TAF2: variants seen among roughly 807,000 people sequenced by gnomAD.
The protein encoded by TAF2 is transcription initiation factor TFIID subunit 2.
In TAF2, 61 loss-of-function variants were observed where a neutral mutation model predicts 138.5. The observed-to-expected ratio is 0.44, with a 90% CI of 0.36 to 0.54. The LOEUF (loss-of-function observed/expected upper bound fraction) is 0.54, where lower values mean the gene tolerates loss of function less well. Ranked by LOEUF, TAF2 falls within the 20% of genes least tolerant of loss-of-function variation. The probability of loss-of-function intolerance (pLI) is 0.00; values close to 1 mark genes in which losing one functional copy is unlikely to be tolerated. For missense variants in TAF2, 1,090 were observed against 1,427.9 expected (o/e 0.76, Z 3.81); for synonymous variants, 475 against 469.9 (o/e 1.01, Z -0.14).
chr8:119,781,469 G>C (rs917405593), intron 16 of TAF2, among the ~76,000 whole-genome samples: 7 of 152,094 alleles, frequency 4.6e-5, no homozygotes, highest in Non-Finnish European at 1.0e-4. Flanking sequence ...CCTGAGGTCA[G>C]GAGTTCAAGA....
intron 25 of TAF2, among the ~76,000 whole-genome samples, chr8:119,733,482 C>T (rs1288546412): frequency 2.0e-5 from 3 of 152,174 alleles, no homozygotes; most frequent in African/African-American, 7.2e-5. Flanking sequence ...AGTTCATCAT[C>T]TAAAAATCTA....
rs761654305 is a variant in TAF2, at chr8:119,762,431, G to A, written c.2542C>T (p.His848Tyr). ...TAATCATACCTGACAGTGATGGTAT[G>A]CCTGTAACTCGGAAGAAGTTTTTCC... ...NMEKLLPSYR[H>Y]TITVSCLRAI... Residue 848 changes from histidine (H) to tyrosine (Y), a missense_variant, in exon 19 of 26, where the codon CAT (histidine) becomes TAT (tyrosine). By Grantham distance (83) the His-to-Tyr change is moderately conservative. Around this residue, in one of 3 missense-constraint regions of TAF2, gnomAD observed 580 missense variants for 719.6 expected, o/e 0.81. Coordinates refer to ENST00000378164, the MANE Select transcript of TAF2 (RefSeq NM_003184.4). The A allele has an allele frequency of 2.5e-6, 4 of 1,613,708 alleles. No individual in the cohort carries two copies. Among genetic ancestry groups the A allele is most frequent in the Non-Finnish European group, 3.4e-6 (4 of 1,179,732 alleles).
At chr8:119,754,966 T>C (rs1282375058) in intron 22 of TAF2, among the ~76,000 whole-genome samples, 1 of 152,206 alleles carries the variant, frequency 6.6e-6, no homozygotes, top group South Asian at 2.1e-4. Context: ...AGCGTAACTA[T>C]CATTAAGCTA....
In TAF2 at chr8:119,830,635, T is replaced by C. The variant is rs144524697; in HGVS notation, c.138+1042A>G. Among the ~76,000 whole-genome samples the C allele has an allele frequency of 1.4e-3, 209 of 152,322 alleles. 2 individuals are homozygous for C. Among genetic ancestry groups the C allele is most frequent in the African/African-American group, 4.5e-3 (188 of 41,586 alleles). On this transcript the variant is annotated intron_variant, in intron 2 of 25. Transcript: ENST00000378164. Reference sequence around the variant, plus strand: ...TAGGAACATTACAAATCTAAGATTCTATGACTCATGAAAAGCGACATTTTT... The same window carrying C: ...TAGGAACATTACAAATCTAAGATTCCATGACTCATGAAAAGCGACATTTTT...
intron 22 of TAF2, among the ~76,000 whole-genome samples, chr8:119,752,686 G>A (rs1820432286): frequency 6.6e-6 from 1 of 152,102 alleles, no homozygotes; most frequent in African/African-American, 2.4e-5. Flanking sequence ...TCGTTGAAAA[G>A]TTTGATTCTT....
chr8:119,749,778 G>A (rs2131019772), intron 22 of TAF2, among the ~76,000 whole-genome samples: 1 of 152,188 alleles, frequency 6.6e-6, no homozygotes, highest in Middle Eastern at 3.4e-3. Flanking sequence ...ACAGTATTCT[G>A]AAGACCCATC....
chr8:119,804,396 T>G (rs1824473436), intron 4 of TAF2, among the ~76,000 whole-genome samples: 1 of 152,204 alleles, frequency 6.6e-6, no homozygotes, highest in African/African-American at 2.4e-5. Context: ...TTTGGCTCTG[T>G]GTCCCCACCC....
rs1818868386 is a variant in TAF2, at chr8:119,731,377, T to C, written c.*547A>G. 1 of 152,662 alleles carries C rather than the reference T, an allele frequency of 6.6e-6. No individual in the cohort carries two copies. The highest frequency in any genetic ancestry group is 6.5e-5 in the Admixed American group (1 of 15,334). The allele number at this position is 152,662 out of a possible 1,614,324, so 9.5% of individuals were successfully genotyped here. On this transcript the variant is annotated 3_prime_UTR_variant, in exon 26 of 26. Transcript: ENST00000378164. ...GAGCAAAAGGAAAAATAACATATTCTTTGTTCATAAATTCTGATGCTTAGT... is the reference window on the plus strand; with the variant it reads ...GAGCAAAAGGAAAAATAACATATTCCTTGTTCATAAATTCTGATGCTTAGT...
intron 9 of TAF2, among the ~76,000 whole-genome samples, chr8:119,795,181 T>C (rs553362576): frequency 6.6e-6 from 1 of 152,300 alleles, no homozygotes; most frequent in Admixed American, 6.5e-5. Flanking sequence ...GGGCAGACAC[T>C]ACAATTGCCC....
At position 119,749,947 on chromosome 8, in the gene TAF2, GAAC is replaced by G. The variant is rs1484416396; in HGVS notation, c.2879-3016_2879-3014del. Among the ~76,000 whole-genome samples the G allele has an allele frequency of 3.3e-5, 5 of 152,192 alleles. No homozygotes were observed. In the East Asian group the frequency reaches 5.8e-4, roughly 18 times the overall value. ...AGACCAAGCCTGTTTATCTGAATTA[GAAC>G]AACAACACTCAAGAAGTAGGAAACC... On this transcript the variant is annotated intron_variant, in intron 22 of 25. Transcript: ENST00000378164.
chr8:119,813,708 G>C (rs575242844), intron 3 of TAF2, among the ~76,000 whole-genome samples: 1 of 152,304 alleles, frequency 6.6e-6, no homozygotes, highest in South Asian at 2.1e-4. Flanking sequence ...AAAACTTAGG[G>C]GAAAGGTATG....
chr8:119,809,998 TAAAAAAAAAA>T (rs56281726), intron 3 of TAF2, among the ~76,000 whole-genome samples: 31 of 117,650 alleles, frequency 2.6e-4, no homozygotes, highest in African/African-American at 9.2e-4. Flanking sequence ...CTTCAATTTG[TAAAAAAAAAA>T]AAAAAAAAAC....
chr8:119,744,276 T>C lies in TAF2; in HGVS notation c.3214+12A>G, dbSNP rs775137238. The C allele has an allele frequency of 6.2e-7, 1 of 1,610,246 alleles. No individual in the cohort carries two copies. The highest frequency in any genetic ancestry group is 1.7e-5 in the Admixed American group (1 of 59,996). On this transcript the variant is annotated intron_variant, in intron 24 of 25. Transcript: ENST00000378164. ...CTCCATCTCCTCAATGATTGCAGAA[T>C]ACTAATCTTACCTGGAGTTGACGGC...
intron 25 of TAF2, among the ~76,000 whole-genome samples, chr8:119,739,276 T>C (rs1332064882): frequency 6.6e-6 from 1 of 152,086 alleles, no homozygotes; most frequent in Non-Finnish European, 1.5e-5. Context: ...GCTGCTGTGG[T>C]GAGAAGGGAG....
intron 22 of TAF2, among the ~76,000 whole-genome samples, chr8:119,749,897 T>G (rs778636914): frequency 9.9e-5 from 15 of 152,230 alleles, no homozygotes; most frequent in Admixed American, 3.9e-4. Flanking sequence ...CTATTCATCC[T>G]GTCTTCATTA....
intron 22 of TAF2, among the ~76,000 whole-genome samples, chr8:119,752,981 T>TAG (rs767071847): frequency 6.6e-5 from 10 of 152,208 alleles, no homozygotes; most frequent in African/African-American, 9.6e-5. Flanking sequence ...TTTGGGGACT[T>TAG]AAATGATGCT....
At chr8:119,759,479 G>A (rs1820915627) in intron 20 of TAF2, among the ~76,000 whole-genome samples, 1 of 151,992 alleles carries the variant, frequency 6.6e-6, no homozygotes, top group African/African-American at 2.4e-5. Context: ...ATACTTTTAA[G>A]TTTTTTACTC....
intron 22 of TAF2, among the ~76,000 whole-genome samples, chr8:119,749,607 C>A (rs1275796898): frequency 6.6e-6 from 1 of 152,242 alleles, no homozygotes; most frequent in East Asian, 1.9e-4. Context: ...GCTCTGTGAC[C>A]TTGGGCAAGT....
At chr8:119,824,212 C>T (rs903809509) in intron 2 of TAF2, among the ~76,000 whole-genome samples, 12 of 151,948 alleles carry the variant, frequency 7.9e-5, no homozygotes, top group East Asian at 1.9e-4. Flanking sequence ...AGGTGGATCA[C>T]GAGGTCAGGA....
Sources: allele counts gnomAD v4.1 joint callset (sites outside exome capture counted in the v4.1 genomes callset), GRCh38; gene constraint gnomAD v4.1.1; regional missense constraint gnomAD v4.1.1; transcripts MANE v1.5; gene names NCBI Gene and HGNC (gene_info 2026-07-23, HGNC 2026-07-21).